The following ESYT2 variants were observed in gnomAD, a reference collection of about 807,000 sequenced individuals.
ESYT2 encodes extended synaptotagmin-2.
ESYT2 carries 54 observed loss-of-function variants against 107.2 expected under a neutral mutation model. The ratio of observed to expected loss-of-function variants is 0.50; its 90% CI spans 0.40 to 0.63. ESYT2 has a LOEUF of 0.63. Ranked by LOEUF, ESYT2 falls within the 30% of genes least tolerant of loss-of-function variation. The pLI is 0.00. For synonymous variants in ESYT2, 491 were observed against 434.1 expected (o/e 1.13, Z -1.63); for missense variants, 1,020 against 1,094.5 (o/e 0.93, Z 0.96).
intron 12 of ESYT2, 99 bp downstream of exon 12, chr7:158,759,959 A>C: frequency 9.6e-7 from 1 of 1,039,948 alleles, no homozygotes; most frequent in Non-Finnish European, 1.5e-6. Flanking sequence ...TACTGCTATA[A>C]TTGTTAAAAA....
rs1394871753 is a variant in ESYT2, at chr7:158,734,263, C to T, written c.2556-11G>A. 6.2e-7 allele frequency: 1 copy of T among 1,613,982 alleles called. No individual in the cohort carries two copies. The highest frequency in any genetic ancestry group is 1.3e-5 in the African/African-American group (1 of 74,914). Reference sequence around the variant, plus strand: ...TCCGTGAGGTCATACCTGAGAAAGACAGTGACAGGAAGGTGGTGACGGATA... The same window carrying T: ...TCCGTGAGGTCATACCTGAGAAAGATAGTGACAGGAAGGTGGTGACGGATA... On this transcript the variant is annotated splice_polypyrimidine_tract_variant and intron_variant, in intron 22 of 22. Coordinates refer to ENST00000275418, the MANE Select transcript of ESYT2 (RefSeq NM_001367773.1).
rs536103534 is a variant in ESYT2 at position 158,741,787 on chromosome 7, A to C, written c.1904T>G (p.Met635Arg). Residue 635 changes from methionine to arginine, a missense_variant, in exon 18 of 23, where the codon ATG (methionine) becomes AGG (arginine). Met to Arg is a moderately conservative substitution (Grantham distance 91). Coordinates refer to ENST00000275418, the MANE Select transcript of ESYT2 (RefSeq NM_001367773.1). ...EGRKTSIKSH[M>R]SGSPGPGGSN... Reference sequence around the variant, plus strand: ...GCCACCAGGGCCTGGAGACCCAGACATATGAGATTTGATGGATGTTTTCCT... The same window carrying C: ...GCCACCAGGGCCTGGAGACCCAGACCTATGAGATTTGATGGATGTTTTCCT... 3.7e-6 allele frequency: 6 copies of C among 1,614,086 alleles called. No homozygotes were observed. The East Asian group carries it at 8.9e-5, about 24-fold the overall frequency.
rs967154236 is a variant in ESYT2, at chr7:158,787,136, G to A, written c.747+868C>T. 3.5e-4 allele frequency among the ~76,000 whole-genome samples: 54 copies of A among 152,160 alleles called. 1 individual carries two copies. ...CTGGACAGAGGCTGCAGGAGCCCAG[G>A]GAAGGAGGAAGGAGTTTGTCTGGTG... is the stretch of plus-strand genomic sequence containing the variant. On this transcript the variant is annotated intron_variant, in intron 6 of 22. Transcript: ENST00000275418.
chr7:158,786,824 T>A (rs1839131188), intron 6 of ESYT2, among the ~76,000 whole-genome samples: 1 of 152,222 alleles, frequency 6.6e-6, no homozygotes, highest in Admixed American at 6.5e-5. Context: ...AAAGGACTCA[T>A]CAATGGCACA....
chr7:158,756,739 T>C (rs574604630), intron 13 of ESYT2, among the ~76,000 whole-genome samples: 4 of 151,930 alleles, frequency 2.6e-5, no homozygotes, highest in Admixed American at 1.3e-4. Flanking sequence ...TGAAACCCTG[T>C]CTCTACTAAA....
Position 158,793,688 on chromosome 7 carries a change from A to G in ESYT2, c.546T>C (p.Asn182=). Residue 182 remains asparagine, a synonymous_variant, in exon 4 of 23, where the codon AAT becomes AAC. Coordinates refer to ENST00000275418, the MANE Select transcript of ESYT2 (RefSeq NM_001367773.1). ...RINGVKVYTE[N]VDKRQIILDL... ...CCAAAATAATTTGCCTTTTGTCTAC[A>G]TTTTCAGTGTATACCTTAACACCAT... 6.2e-7 allele frequency: 1 copy of G among 1,613,618 alleles called. No individual in the cohort carries two copies.
intron 19 of ESYT2, 129 bp downstream of exon 19, chr7:158,738,894 A>T: frequency 3.2e-6 from 3 of 946,622 alleles, no homozygotes; most frequent in Non-Finnish European, 4.8e-6. Flanking sequence ...CTAGAGGTTT[A>T]ATTGCTTTGT....
intron 18 of ESYT2, among the ~76,000 whole-genome samples, chr7:158,740,835 C>T (rs1021605222): frequency 6.6e-6 from 1 of 152,134 alleles, no homozygotes; most frequent in East Asian, 1.9e-4. Flanking sequence ...TCTAACAGCT[C>T]AGAAGCACCT....
chr7:158,788,614 C>T lies in ESYT2; in HGVS notation c.585-197G>A, dbSNP rs113121194. Among the ~76,000 whole-genome samples, 26 of 152,300 alleles carry T rather than the reference C, an allele frequency of 1.7e-4. 3 individuals carry two copies. Among genetic ancestry groups the T allele is most frequent in the African/African-American group, 6.3e-4 (26 of 41,566 alleles). On this transcript the variant is annotated intron_variant, in intron 4 of 22. Transcript: ENST00000275418. ...GTGTGCAGGCTGTTATCAGATCCAACACTGCTATGACGTTGGGAGGAATAC... is the reference window on the plus strand; with the variant it reads ...GTGTGCAGGCTGTTATCAGATCCAATACTGCTATGACGTTGGGAGGAATAC...
At chr7:158,798,740 T>A (rs944238496) in intron 2 of ESYT2, among the ~76,000 whole-genome samples, 1 of 151,732 alleles carries the variant, frequency 6.6e-6, no homozygotes, top group South Asian at 2.1e-4. Context: ...TTAAAACTTA[T>A]GATTGTTATA....
chr7:158,822,801 GT>G (rs915188423), intron 1 of ESYT2, among the ~76,000 whole-genome samples: 1 of 151,726 alleles, frequency 6.6e-6, no homozygotes, highest in African/African-American at 2.4e-5. Flanking sequence ...GTACTATTAG[GT>G]TTAAGTTAAA....
intron 1 of ESYT2, among the ~76,000 whole-genome samples, chr7:158,800,836 C>T (rs1839619796): frequency 6.6e-6 from 1 of 151,692 alleles, no homozygotes; most frequent in Admixed American, 6.6e-5. Flanking sequence ...TCAAGTGATT[C>T]TCCTGCCTCA....
intron 3 of ESYT2, among the ~76,000 whole-genome samples, chr7:158,795,817 G>A (rs752368516): frequency 1.3e-5 from 2 of 152,208 alleles, no homozygotes; most frequent in Admixed American, 6.5e-5. Flanking sequence ...TCCTACGGGC[G>A]TCCTGTGTAG....
At chr7:158,765,757 A>G (rs778545244) in intron 8 of ESYT2, among the ~76,000 whole-genome samples, 1 of 151,966 alleles carries the variant, frequency 6.6e-6, no homozygotes, top group Non-Finnish European at 1.5e-5. Flanking sequence ...ATAAACGAAC[A>G]AAAAAACCAA....
chr7:158,756,089 T>C (rs1837747380), intron 13 of ESYT2, among the ~76,000 whole-genome samples: 1 of 152,134 alleles, frequency 6.6e-6, no homozygotes, highest in Non-Finnish European at 1.5e-5. Context: ...CCCCCTACTT[T>C]AAAAAATAAG....
At chr7:158,737,320 G>A (rs1056824999) in intron 19 of ESYT2, 141 bp from the exon 20 acceptor site, 40 of 1,112,822 alleles carry the variant, frequency 3.6e-5, no homozygotes, top group Admixed American at 1.1e-4. Flanking sequence ...TGCGTGAGGC[G>A]CTTTTGCCTC....
chr7:158,764,801 G>A lies in ESYT2; in HGVS notation c.977C>T (p.Thr326Ile), dbSNP rs748615778. 1.1e-5 allele frequency: 17 copies of A among 1,614,068 alleles called. No homozygotes were observed. Among genetic ancestry groups the A allele is most frequent in the Non-Finnish European group, 1.4e-5 (17 of 1,180,034 alleles). The change falls in exon 9 of 23, where the codon ACT becomes ATT. Residue 326 changes from threonine to isoleucine, a missense_variant. By Grantham distance (89) the Thr-to-Ile change is moderately conservative. Coordinates refer to ENST00000275418, the MANE Select transcript of ESYT2 (RefSeq NM_001367773.1). Reference protein sequence around the residue: ...IEAQDLQGKDTYLKGLVKGKS... With the variant: ...IEAQDLQGKDIYLKGLVKGKS... ...TCCCTTGACAAGTCCCTTAAGGTAA[G>A]TGTCTTTCCCCTGAAGATCCTGAGC...
rs536116510 is a variant in ESYT2, at chr7:158,739,799, C to G, written c.2169-678G>C. Among the ~76,000 whole-genome samples, 64 of 90,280 alleles carry G rather than the reference C, an allele frequency of 7.1e-4. 2 individuals carry two copies. The South Asian group carries it at 0.017, about 24-fold the overall frequency. The allele number at this position is 90,280 out of a possible 152,430, so 59.2% of individuals were successfully genotyped here. ...GGACGGGAGGTTATTTATACCCCCC[C>G]CTTCGCAGTTCAGATGCAACAACCG... On this transcript the variant is annotated intron_variant, in intron 18 of 22. Transcript: ENST00000275418.
At chr7:158,757,748 C>T (rs1837812705) in intron 13 of ESYT2, among the ~76,000 whole-genome samples, 1 of 93,384 alleles carries the variant, frequency 1.1e-5, no homozygotes, top group Admixed American at 1.2e-4. Flanking sequence ...AATACAGTCT[C>T]TCTGGGTTTT....
Sources: allele counts gnomAD v4.1 joint callset (sites outside exome capture counted in the v4.1 genomes callset), GRCh38; gene constraint gnomAD v4.1.1; transcripts MANE v1.5; gene names NCBI Gene and HGNC (gene_info 2026-07-23, HGNC 2026-07-21).